GNG7: variants seen among roughly 807,000 people sequenced by gnomAD.
GNG7 encodes the protein G protein subunit gamma 7, also known as guanine nucleotide-binding protein G(I)/G(S)/G(O) subunit gamma-7.
GNG7 carries 1 observed loss-of-function variant against 4.0 expected under a neutral mutation model. That is an observed-to-expected ratio of 0.25 (90% confidence interval 0.09 to 1.18). The LOEUF is 1.18. Ranked by LOEUF, GNG7 falls within the 50% of genes most tolerant of loss-of-function variation. The probability of loss-of-function intolerance (pLI) is 0.50; values close to 1 mark genes in which losing one functional copy is unlikely to be tolerated. For missense variants in GNG7, 86 were observed against 91.9 expected (o/e 0.94, Z 0.26); for synonymous variants, 34 against 36.9 (o/e 0.92, Z 0.29).
chr19:2,571,339 C>T (rs1325163110), intron 2 of GNG7, among the ~76,000 whole-genome samples: 4 of 152,056 alleles, frequency 2.6e-5, no homozygotes, highest in Admixed American at 6.6e-5. Context: ...TCCATACCTA[C>T]GAATTTATTG....
chr19:2,551,384 G>A (rs1374559400), intron 3 of GNG7, among the ~76,000 whole-genome samples: 2 of 152,028 alleles, frequency 1.3e-5, no homozygotes, highest in African/African-American at 2.4e-5. Context: ...TGTCTTCGTC[G>A]TCATCCTGAG....
chr19:2,566,525 T>G (rs1979913876), intron 2 of GNG7, among the ~76,000 whole-genome samples: 1 of 152,124 alleles, frequency 6.6e-6, no homozygotes, highest in Non-Finnish European at 1.5e-5. Context: ...TCAGCCTGGC[T>G]CCGGGGGAAG....
chr19:2,581,687 G>A (rs1980509815), intron 2 of GNG7, among the ~76,000 whole-genome samples: 1 of 152,208 alleles, frequency 6.6e-6, no homozygotes, highest in Non-Finnish European at 1.5e-5. Flanking sequence ...CAAGATGCCT[G>A]GCCAGGCCCC....
At chr19:2,638,087 G>A (rs540237654) in intron 2 of GNG7, among the ~76,000 whole-genome samples, 50 of 152,126 alleles carry the variant, frequency 3.3e-4, no homozygotes, top group African/African-American at 1.2e-3. Flanking sequence ...TGAATGGGCC[G>A]GGTGCGGTGG....
chr19:2,586,476 G>A (rs546485850), intron 2 of GNG7, among the ~76,000 whole-genome samples: 1 of 152,350 alleles, frequency 6.6e-6, no homozygotes, highest in East Asian at 1.9e-4. Context: ...GCCCAGACAA[G>A]CTGCTGGTGA....
chr19:2,538,801 C>A, intron 3 of GNG7: 1 of 384,488 alleles, frequency 2.6e-6, no homozygotes, highest in Admixed American at 3.4e-5. Flanking sequence ...CGGAGTCTCA[C>A]TCTGTCTCCC....
Position 2,696,351 on chromosome 19 carries a change from G to GA in GNG7, c.-135+6294dup, listed in dbSNP as rs917485741. 2.3e-5 allele frequency among the ~76,000 whole-genome samples: 3 copies of GA among 128,744 alleles called. No homozygotes were observed. The East Asian group carries it at 6.6e-4, about 28-fold the overall frequency. The allele number at this position is 128,744 out of a possible 152,430, so 84.5% of individuals were successfully genotyped here. A position where few individuals can be genotyped will look rare whatever the true frequency, so the allele number is the denominator to read the frequency against. ...GAAAGAAAGAAAGAAAGAAAGAAAA[G>GA]AAAGAAAAGAAAGAAAGAAAGGAAA... On this transcript the variant is annotated intron_variant, in intron 1 of 4. Coordinates refer to ENST00000382159, the MANE Select transcript of GNG7 (RefSeq NM_052847.3).
intron 3 of GNG7, among the ~76,000 whole-genome samples, chr19:2,535,419 G>C (rs768275415): frequency 4.0e-5 from 6 of 151,620 alleles, no homozygotes; most frequent in African/African-American, 9.7e-5. Flanking sequence ...AGAATCGCTT[G>C]AGCCCAGGAA....
At chr19:2,532,778 T>C (rs1978635926) in intron 3 of GNG7, among the ~76,000 whole-genome samples, 1 of 152,118 alleles carries the variant, frequency 6.6e-6, no homozygotes, top group African/African-American at 2.4e-5. Flanking sequence ...GGCAAAAATT[T>C]AAAAGACTGA....
At chr19:2,598,317 A>T (rs1981088819) in intron 2 of GNG7, among the ~76,000 whole-genome samples, 1 of 152,136 alleles carries the variant, frequency 6.6e-6, no homozygotes, top group Admixed American at 6.6e-5. Context: ...TGAGGTCAGG[A>T]GTTCGAGACC....
chr19:2,613,425 C>T (rs753874609), intron 2 of GNG7, among the ~76,000 whole-genome samples: 21 of 152,052 alleles, frequency 1.4e-4, no homozygotes, highest in Non-Finnish European at 2.1e-4. Context: ...AATCTGTCCC[C>T]GCTCCTGCTC....
intron 2 of GNG7, among the ~76,000 whole-genome samples, chr19:2,637,322 C>T (rs893228911): frequency 2.4e-4 from 36 of 152,032 alleles, no homozygotes; most frequent in African/African-American, 8.7e-4. Flanking sequence ...GTCATCAGGA[C>T]AGGCAGCCAC....
At chr19:2,580,260 A>C (rs1275566263) in intron 2 of GNG7, among the ~76,000 whole-genome samples, 4 of 149,214 alleles carry the variant, frequency 2.7e-5, no homozygotes, top group Non-Finnish European at 5.9e-5. Context: ...GATAGGACGC[A>C]GCCCTGCTGC....
Position 2,568,409 on chromosome 19 carries a change from T to A in GNG7, c.-77-13221A>T, listed in dbSNP as rs62646521. On this transcript the variant is annotated intron_variant, in intron 2 of 4. Coordinates refer to ENST00000382159, the MANE Select transcript of GNG7 (RefSeq NM_052847.3). ...TATACAACACAAACACACACACATA[T>A]ACACATAGACATACACACATACATA... Among the ~76,000 whole-genome samples, 4 of 91,036 alleles carry A rather than the reference T, an allele frequency of 4.4e-5. No individual in the cohort carries two copies. The South Asian group carries it at 1.6e-3, about 37-fold the overall frequency. The allele number at this position is 91,036 out of a possible 152,430, so 59.7% of individuals were successfully genotyped here.
chr19:2,577,765 G>A (rs1363487867), intron 2 of GNG7, among the ~76,000 whole-genome samples: 1 of 149,562 alleles, frequency 6.7e-6, no homozygotes, highest in East Asian at 1.9e-4. Flanking sequence ...GTAAGCATTT[G>A]CTACATATTT....
chr19:2,560,248 C>A (rs1034137116), intron 2 of GNG7, among the ~76,000 whole-genome samples: 2 of 152,124 alleles, frequency 1.3e-5, no homozygotes, highest in African/African-American at 4.8e-5. Context: ...GACTACAGTA[C>A]AAACCCAGCC....
chr19:2,567,829 C>T (rs976707239), intron 2 of GNG7, among the ~76,000 whole-genome samples: 8 of 152,138 alleles, frequency 5.3e-5, no homozygotes, highest in African/African-American at 1.9e-4. Flanking sequence ...CAGACTCCGA[C>T]GGGGGCAGGG....
At chr19:2,659,041 C>G (rs1000043855) in intron 1 of GNG7, among the ~76,000 whole-genome samples, 4 of 151,398 alleles carry the variant, frequency 2.6e-5, no homozygotes, top group Admixed American at 1.3e-4. Flanking sequence ...ACAATCTCGG[C>G]TCACTGCAAG....
chr19:2,514,962 CAGAGACAG>C lies in GNG7; in HGVS notation c.*52_*59del, dbSNP rs778941690. The C allele has an allele frequency of 1.8e-4, 252 of 1,374,706 alleles. No individual in the cohort carries two copies. Among genetic ancestry groups the C allele is most frequent in the Non-Finnish European group, 2.3e-4 (226 of 972,308 alleles). 85.2% of individuals were successfully genotyped at this position (1,374,706 alleles called of 1,614,324 possible). A position where few individuals can be genotyped will look rare whatever the true frequency, so the allele number is the denominator to read the frequency against. Reference sequence around the variant, plus strand: ...AATGATGCCCTGCCTGAGACAGAGACAGAGACAGAGAGAGAGAGAGAGAAAGAGAGAGA... The same window carrying C: ...AATGATGCCCTGCCTGAGACAGAGACAGAGAGAGAGAGAGAAAGAGAGAGA... On this transcript the variant is annotated 3_prime_UTR_variant, in exon 5 of 5. Transcript: ENST00000382159.
Sources: allele counts gnomAD v4.1 joint callset (sites outside exome capture counted in the v4.1 genomes callset), GRCh38; gene constraint gnomAD v4.1.1; transcripts MANE v1.5; gene names NCBI Gene and HGNC (gene_info 2026-07-23, HGNC 2026-07-21).